ATOSA: variants seen among roughly 807,000 people sequenced by gnomAD.
ATOSA encodes the protein atos homolog protein A.
chr15:52,609,132 G>A, the ATOSA span: 6 of 1,613,420 alleles, frequency 3.7e-6, no homozygotes, highest in Non-Finnish European at 5.1e-6. Flanking sequence ...ACGTACTTTG[G>A]ATGATTTCAC....
At chr15:52,656,875 T>G in the ATOSA span, 1 of 152,140 alleles carries the variant, frequency 6.6e-6, no homozygotes, top group Admixed American at 6.5e-5. Context: ...TTTTTCTTTA[T>G]CCATACTTCT....
chr15:52,588,464 T>C, the ATOSA span, among the ~76,000 whole-genome samples: 2 of 152,130 alleles, frequency 1.3e-5, no homozygotes, highest in African/African-American at 4.8e-5. Context: ...TTTGAGATGC[T>C]TTCTCACTCT....
the ATOSA span, among the ~76,000 whole-genome samples, chr15:52,663,175 T>C: frequency 6.6e-6 from 1 of 152,152 alleles, no homozygotes; most frequent in Non-Finnish European, 1.5e-5. Context: ...GATCAGAATG[T>C]CCTTCCTTCC....
chr15:52,690,031 T>A, the ATOSA span, among the ~76,000 whole-genome samples: 1 of 152,218 alleles, frequency 6.6e-6, no homozygotes, highest in South Asian at 2.1e-4. Context: ...TGTGTTCTTT[T>A]TAAGGCTCCA....
chr15:52,587,474 G>A, the ATOSA span: 1 of 270,488 alleles, frequency 3.7e-6, no homozygotes, highest in Non-Finnish European at 6.9e-6. Flanking sequence ...TAAGATATAG[G>A]AATAAAAGAA....
At chr15:52,618,125 G>A in the ATOSA span, among the ~76,000 whole-genome samples, 1 of 151,742 alleles carries the variant, frequency 6.6e-6, no homozygotes, top group Non-Finnish European at 1.5e-5. Flanking sequence ...TGCAAGCTCT[G>A]CCTCCCAGGT....
At chr15:52,709,049 C>G in the ATOSA span, among the ~76,000 whole-genome samples, 28 of 151,982 alleles carry the variant, frequency 1.8e-4, no homozygotes, top group Non-Finnish European at 4.1e-4. Context: ...GAGAGTACTC[C>G]CTGTCTGCAA....
At chr15:52,689,561 G>C in the ATOSA span, among the ~76,000 whole-genome samples, 1 of 152,188 alleles carries the variant, frequency 6.6e-6, no homozygotes. Flanking sequence ...GGCCATGAAA[G>C]GTGCTTCAGT....
chr15:52,618,300 A>G, the ATOSA span, among the ~76,000 whole-genome samples: 1 of 152,014 alleles, frequency 6.6e-6, no homozygotes, highest in Non-Finnish European at 1.5e-5. Flanking sequence ...CGGCCTCCCA[A>G]AGGGCTGGGA....
chr15:52,667,196 T>G, the ATOSA span, among the ~76,000 whole-genome samples: 1 of 152,252 alleles, frequency 6.6e-6, no homozygotes, highest in Non-Finnish European at 1.5e-5. Context: ...TTCACTTTTC[T>G]CTTTAATCCA....
At chr15:52,621,854 C>CT in the ATOSA span, among the ~76,000 whole-genome samples, 33,524 of 144,824 alleles carry the variant, frequency 0.23, 4,966 homozygotes, top group East Asian at 0.61. Context: ...CTTACTTTTT[C>CT]TTTTTTTTTT....
chr15:52,685,182 C>A, the ATOSA span, among the ~76,000 whole-genome samples: 1 of 152,206 alleles, frequency 6.6e-6, no homozygotes, highest in African/African-American at 2.4e-5. Flanking sequence ...GTTCCTCAAC[C>A]AAGTGATGCC....
chr15:52,622,064 CTCGAACTCCTGACCTCAAGTGATT>C, the ATOSA span, among the ~76,000 whole-genome samples: 1 of 152,046 alleles, frequency 6.6e-6, no homozygotes, highest in Non-Finnish European at 1.5e-5. Context: ...CCAGGGTGGT[CTCGAACTCCTGACCTCAAGTGATT>C]TACCAACCTC....
the ATOSA span, among the ~76,000 whole-genome samples, chr15:52,698,953 G>A: frequency 6.6e-6 from 1 of 152,062 alleles, no homozygotes; most frequent in African/African-American, 2.4e-5. Flanking sequence ...GCAAAACTTT[G>A]GAAAATGGTT....
At chr15:52,707,300 C>A in the ATOSA span, among the ~76,000 whole-genome samples, 2 of 152,056 alleles carry the variant, frequency 1.3e-5, no homozygotes, top group Non-Finnish European at 2.9e-5. Flanking sequence ...AGTAAATACA[C>A]AGTGGAAAAA....
the ATOSA span, among the ~76,000 whole-genome samples, chr15:52,607,153 T>A: frequency 1.3e-5 from 2 of 152,166 alleles, no homozygotes; most frequent in South Asian, 4.1e-4. Flanking sequence ...TAATACGACT[T>A]ATTTACGGTC....
At chr15:52,644,490 A>T in the ATOSA span, among the ~76,000 whole-genome samples, 1 of 152,172 alleles carries the variant, frequency 6.6e-6, no homozygotes, top group South Asian at 2.1e-4. Flanking sequence ...TTTGAGCTTT[A>T]TGAGAATTAA....
the ATOSA span, among the ~76,000 whole-genome samples, chr15:52,655,455 C>G: frequency 1.3e-5 from 2 of 152,088 alleles, no homozygotes; most frequent in African/African-American, 4.8e-5. Flanking sequence ...TTCATGATCA[C>G]AGATCACCTA....
At chr15:52,585,106 G>T in the ATOSA span, 1 of 537,366 alleles carries the variant, frequency 1.9e-6, no homozygotes, top group Non-Finnish European at 3.1e-6. Flanking sequence ...AAAAGTTTAA[G>T]AAATAATATT....
Sources: gnomAD v4.1 joint callset for allele counts (sites outside exome capture counted in the v4.1 genomes callset) on GRCh38, gnomAD v4.1.1 for gene constraint, MANE v1.5 for transcripts, NCBI Gene and HGNC (gene_info 2026-07-23, HGNC 2026-07-21) for gene names.